Variants in SYN3 observed in about 807,000 individuals in gnomAD.
The protein encoded by SYN3 is synapsin III.
In SYN3, 35 loss-of-function variants were observed where a neutral mutation model predicts 65.8. The ratio of observed to expected loss-of-function variants is 0.53; its 90% CI spans 0.41 to 0.70. The LOEUF (loss-of-function observed/expected upper bound fraction) is 0.70. Among genes scored for constraint, SYN3 ranks in the 30% least tolerant of loss-of-function variants. The pLI, the probability that SYN3 is intolerant of heterozygous loss-of-function variation, is 0.00. For missense variants in SYN3, 680 were observed against 749.0 expected, an observed-to-expected ratio of 0.91 and a Z score of 1.08; for synonymous variants, 270 against 292.9, an observed-to-expected ratio of 0.92 and a Z score of 0.80.
At chr22:32,854,986 T>C (rs1001528927) in intron 6 of SYN3, among the ~76,000 whole-genome samples, 3 of 152,158 alleles carry the variant, frequency 2.0e-5, no homozygotes, top group African/African-American at 7.2e-5. Flanking sequence ...ACAGGCCAAA[T>C]GGGAGGCATT....
intron 6 of SYN3, among the ~76,000 whole-genome samples, chr22:32,689,108 G>A (rs2060629938): frequency 6.6e-6 from 1 of 152,176 alleles, no homozygotes; most frequent in Non-Finnish European, 1.5e-5. Flanking sequence ...ACAACTAGGG[G>A]TAGTGGGGGT....
intron 6 of SYN3, chr22:32,783,240 G>A (rs2046116185): frequency 6.6e-6 from 1 of 152,216 alleles, no homozygotes. Flanking sequence ...TGAAACAGGT[G>A]AGTATGACAA....
rs1208260589 is a variant in SYN3 at position 32,725,236 on chromosome 22, A to C, written c.712-128500T>G. Among the ~76,000 whole-genome samples, 3 of 152,048 alleles carry C rather than the reference A, an allele frequency of 2.0e-5. No homozygotes were observed. In the East Asian group the frequency reaches 5.8e-4, roughly 29 times the overall value. On this transcript the variant is annotated intron_variant, in intron 6 of 13. Coordinates refer to ENST00000358763, the MANE Select transcript of SYN3 (RefSeq NM_003490.4). ...TCCACCACAGCAGGTTTTTTTTGCT[A>C]CTTTGGAGGATGATCCCAGTAAAGC...
chr22:32,827,657 A>C (rs1172996311), intron 6 of SYN3, among the ~76,000 whole-genome samples: 1 of 152,184 alleles, frequency 6.6e-6, no homozygotes, highest in Non-Finnish European at 1.5e-5. Context: ...GAACTTTAAA[A>C]AATGTCAGTC....
At chr22:32,877,608 C>T (rs2049017098) in intron 4 of SYN3, among the ~76,000 whole-genome samples, 1 of 152,146 alleles carries the variant, frequency 6.6e-6, no homozygotes. Flanking sequence ...TGCCAAGTGT[C>T]CCCTGGGTGG....
At chr22:32,778,787 T>A (rs553598722) in intron 6 of SYN3, among the ~76,000 whole-genome samples, 2 of 152,308 alleles carry the variant, frequency 1.3e-5, no homozygotes, top group Non-Finnish European at 2.9e-5. Context: ...ACCTTCAACA[T>A]ACCTTAATTT....
intron 7 of SYN3, among the ~76,000 whole-genome samples, chr22:32,550,459 T>G (rs1292427298): frequency 1.3e-5 from 2 of 151,942 alleles, no homozygotes. Flanking sequence ...ATATAAAATT[T>G]TATTCAACTT....
At chr22:32,537,806 A>C (rs1291154859) in intron 9 of SYN3, among the ~76,000 whole-genome samples, 1 of 152,078 alleles carries the variant, frequency 6.6e-6, no homozygotes, top group African/African-American at 2.4e-5. Flanking sequence ...TAGACAAATC[A>C]CTTCCCCTCT....
intron 6 of SYN3, among the ~76,000 whole-genome samples, chr22:32,707,183 A>G (rs997483191): frequency 5.9e-5 from 9 of 152,240 alleles, no homozygotes; most frequent in Admixed American, 5.9e-4. Flanking sequence ...GAGAGAACGC[A>G]TAAAGACTCT....
intron 7 of SYN3, among the ~76,000 whole-genome samples, chr22:32,581,662 C>T (rs988136225): frequency 2.0e-5 from 3 of 151,850 alleles, no homozygotes; most frequent in South Asian, 2.1e-4. Context: ...TTTTATTTGA[C>T]GTATACAGTG....
intron 10 of SYN3, among the ~76,000 whole-genome samples, chr22:32,529,813 A>G (rs554601510): frequency 3.4e-4 from 52 of 152,238 alleles, no homozygotes; most frequent in Non-Finnish European, 3.4e-4. Context: ...GGCGGCCTGC[A>G]TTCACCCACG....
chr22:32,818,623 A>G (rs1268752166), intron 6 of SYN3, among the ~76,000 whole-genome samples: 1 of 151,982 alleles, frequency 6.6e-6, no homozygotes, highest in East Asian at 1.9e-4. Flanking sequence ...CCGCCACCCC[A>G]TTTGCTCCCA....
intron 6 of SYN3, among the ~76,000 whole-genome samples, chr22:32,601,883 C>T (rs1358519208): frequency 6.6e-6 from 1 of 151,706 alleles, no homozygotes; most frequent in Non-Finnish European, 1.5e-5. Context: ...ACTGGTTGGG[C>T]CTGGACTGGG....
intron 6 of SYN3, among the ~76,000 whole-genome samples, chr22:32,685,406 A>G (rs746783982): frequency 6.6e-6 from 1 of 152,268 alleles, no homozygotes; most frequent in African/African-American, 2.4e-5. Flanking sequence ...ACATAACGAC[A>G]CTGTAGTCAG....
intron 4 of SYN3, among the ~76,000 whole-genome samples, chr22:32,870,823 A>G (rs1285905313): frequency 6.6e-6 from 1 of 152,160 alleles, no homozygotes; most frequent in Admixed American, 6.6e-5. Flanking sequence ...CTTTCCTGTA[A>G]AAGTCTGTTC....
intron 6 of SYN3, among the ~76,000 whole-genome samples, chr22:32,763,177 C>T (rs1443970895): frequency 4.6e-5 from 7 of 150,786 alleles, no homozygotes; most frequent in Non-Finnish European, 8.8e-5. Flanking sequence ...GATGGAGTCT[C>T]ACTCTGTCGC....
chr22:32,805,894 T>G (rs1156892183), intron 6 of SYN3, among the ~76,000 whole-genome samples: 1 of 151,992 alleles, frequency 6.6e-6, no homozygotes, highest in Non-Finnish European at 1.5e-5. Context: ...AATATGAAGA[T>G]AGCCAAAATG....
At chr22:32,650,173 T>C (rs911558376) in intron 6 of SYN3, among the ~76,000 whole-genome samples, 7 of 151,942 alleles carry the variant, frequency 4.6e-5, no homozygotes, top group African/African-American at 1.7e-4. Context: ...ATTGAGCATG[T>C]ACTAATTGCC....
chr22:33,023,744 C>T (rs1478902898), intron 1 of SYN3, among the ~76,000 whole-genome samples: 1 of 152,088 alleles, frequency 6.6e-6, no homozygotes, highest in Non-Finnish European at 1.5e-5. Context: ...AAACAGAATC[C>T]AAATGGAAGC....
Sources: gnomAD v4.1 joint callset for allele counts (sites outside exome capture counted in the v4.1 genomes callset) on GRCh38, gnomAD v4.1.1 for gene constraint, MANE v1.5 for transcripts, NCBI Gene and HGNC (gene_info 2026-07-23, HGNC 2026-07-21) for gene names.